GUCY2F: variants seen among roughly 807,000 people sequenced by gnomAD.
GUCY2F encodes the protein retinal guanylyl cyclase 2.
In GUCY2F, 61 loss-of-function variants were observed where a neutral mutation model predicts 73.1. That is an observed-to-expected ratio of 0.83 (90% CI 0.68 to 1.03). GUCY2F has a LOEUF of 1.03. Among genes scored for constraint, GUCY2F ranks in the 50% least tolerant of loss-of-function variants. The pLI, the probability that GUCY2F is intolerant of heterozygous loss-of-function variation, is 0.00. For missense variants in GUCY2F, 912 were observed against 854.3 expected, an observed-to-expected ratio of 1.07 and a Z score of -0.84; for synonymous variants, 331 against 307.8, an observed-to-expected ratio of 1.08 and a Z score of -0.79.
chrX:109,427,576 G>T (rs1162350497), intron 8 of GUCY2F, among the ~76,000 whole-genome samples: 1 of 111,881 alleles, frequency 8.9e-6, no homozygotes, highest in Admixed American at 9.5e-5. Context: ...CTGGATCCTG[G>T]TACCCAGCCC....
At chrX:109,397,244 T>C (rs1930731704) in intron 11 of GUCY2F, among the ~76,000 whole-genome samples, 1 of 110,370 alleles carries the variant, frequency 9.1e-6, no homozygotes, top group South Asian at 3.9e-4. Flanking sequence ...AGCTGGGATA[T>C]AGAGAGTGAC....
chrX:109,373,183 T>G (rs143980986), intron 19 of GUCY2F, among the ~76,000 whole-genome samples, 184 bp from the exon 20 acceptor site: 57 of 112,588 alleles, frequency 5.1e-4, no homozygotes, highest in African/African-American at 1.8e-3. Flanking sequence ...TTTGCAAAAT[T>G]AGACATTGCC....
At chrX:109,435,471 T>C (rs1167655957) in intron 7 of GUCY2F, among the ~76,000 whole-genome samples, 4 of 110,028 alleles carry the variant, frequency 3.6e-5, no homozygotes, top group African/African-American at 1.3e-4. Context: ...TTTTGTACAT[T>C]GATTTTGTAT....
rs749712239 is a variant in GUCY2F at position 109,465,229 on chromosome X, T to C, written c.945A>G (p.Thr315=). 11 of 1,206,553 alleles carry C rather than the reference T, an allele frequency of 9.1e-6. No individual in the cohort carries two copies. Among genetic ancestry groups the C allele is most frequent in the Admixed American group, 4.4e-5 (2 of 45,797 alleles). The change falls in exon 3 of 20, where the codon ACA becomes ACG. Residue 315 remains threonine, a synonymous_variant. Coordinates refer to ENST00000218006, the MANE Select transcript of GUCY2F (RefSeq NM_001522.3). The part of the protein sequence containing the change: ...REAYDAVLTI[T]VESQEKTFYQ... ...AGAAGGTCTTTTCTTGGGACTCCAC[T>C]GTAATGGTCAACACTGCATCATAGG...
chrX:109,465,802 C>T (rs564979027), intron 2 of GUCY2F, among the ~76,000 whole-genome samples: 6 of 112,118 alleles, frequency 5.4e-5, no homozygotes, highest in African/African-American at 1.6e-4. Context: ...ATTACTTAAC[C>T]GCTCTCTGTC....
At chrX:109,404,283 T>C (rs767199050) in intron 10 of GUCY2F, 45 bp downstream of exon 10, 2 of 954,709 alleles carry the variant, frequency 2.1e-6, no homozygotes, top group South Asian at 4.6e-5. Flanking sequence ...ATTTGAACTT[T>C]GGAGTTACCT....
At chrX:109,413,677 C>T (rs1569362004) in intron 8 of GUCY2F, among the ~76,000 whole-genome samples, 1 of 110,969 alleles carries the variant, frequency 9.0e-6, no homozygotes, top group Non-Finnish European at 1.9e-5. Context: ...AAGTGTAACA[C>T]GACACCTTTA....
Position 109,428,143 on chromosome X carries a change from AT to A in GUCY2F, c.1791+2163del, listed in dbSNP as rs765367029. On this transcript the variant is annotated intron_variant, in intron 8 of 19. Transcript: ENST00000218006. ...ACATTTATCAATGGATGTCAAAATT[AT>A]TGGGTAAAACTTTGATGAAGAACAG... Among the ~76,000 whole-genome samples the A allele has an allele frequency of 2.8e-4, 32 of 112,427 alleles. No homozygotes were observed. In the South Asian group the frequency reaches 0.011, roughly 39 times the overall value.
Position 109,453,548 on chromosome X carries a change from T to G in GUCY2F, c.1344A>C (p.Ala448=), listed in dbSNP as rs1210580910. 3 of 1,207,164 alleles carry G rather than the reference T, an allele frequency of 2.5e-6. No individual in the cohort carries two copies. In the South Asian group the frequency reaches 5.3e-5, roughly 22 times the overall value. ...CTTCTGCAAACCAGCATTTTGCATC[T>G]GCTCTAGGGGGCCTGCCACCAGGGA... The part of the protein sequence containing the change: ...IHFPGGRPPR[A]DAKCWFAEGK... The change falls in exon 4 of 20, where the codon GCA becomes GCC. Residue 448 remains alanine (A), a synonymous_variant. Coordinates refer to ENST00000218006, the MANE Select transcript of GUCY2F (RefSeq NM_001522.3).
At chrX:109,428,965 C>G (rs1000718626) in intron 8 of GUCY2F, among the ~76,000 whole-genome samples, 11 of 112,035 alleles carry the variant, frequency 9.8e-5, no homozygotes, top group Admixed American at 1.9e-4. Context: ...TCTAGTGTAT[C>G]AGCTGTCTCA....
intron 3 of GUCY2F, among the ~76,000 whole-genome samples, chrX:109,460,373 C>G (rs1422613817): frequency 9.0e-6 from 1 of 110,553 alleles, no homozygotes; most frequent in Non-Finnish European, 1.9e-5. Flanking sequence ...TCTGAGAGGA[C>G]AAAGAGGAAT....
At chrX:109,480,588 A>T (rs1932758645) in intron 1 of GUCY2F, among the ~76,000 whole-genome samples, 2 of 111,565 alleles carry the variant, frequency 1.8e-5, no homozygotes, top group African/African-American at 6.5e-5. Flanking sequence ...AATTCTAAAA[A>T]GTTAGATTTT....
chrX:109,455,651 C>T (rs1042415815), intron 3 of GUCY2F, among the ~76,000 whole-genome samples: 2 of 111,179 alleles, frequency 1.8e-5, no homozygotes, highest in East Asian at 2.8e-4. Flanking sequence ...ATCTCGCTGA[C>T]GTCTCTCTTC....
At chrX:109,433,154 G>A (rs1210292379) in intron 7 of GUCY2F, among the ~76,000 whole-genome samples, 3 of 111,888 alleles carry the variant, frequency 2.7e-5, no homozygotes, top group East Asian at 2.8e-4. Flanking sequence ...ATCAGTACTC[G>A]CAGTCCTGAC....
intron 8 of GUCY2F, among the ~76,000 whole-genome samples, chrX:109,417,804 A>G (rs567602584): frequency 9.0e-6 from 1 of 111,689 alleles, no homozygotes; most frequent in Non-Finnish European, 1.9e-5. Context: ...CAGAAAAAGT[A>G]AATCATGCAA....
intron 3 of GUCY2F, among the ~76,000 whole-genome samples, 156 bp downstream of exon 3, chrX:109,464,986 A>G (rs1002078489): frequency 1.8e-5 from 2 of 112,695 alleles, no homozygotes; most frequent in African/African-American, 3.2e-5. Flanking sequence ...TTTGTTTCAC[A>G]AATGTTTTCA....
intron 1 of GUCY2F, among the ~76,000 whole-genome samples, 175 bp downstream of exon 1, chrX:109,481,691 G>A (rs929914320): frequency 9.0e-6 from 1 of 110,947 alleles, no homozygotes; most frequent in African/African-American, 3.3e-5. Context: ...AAAGTATCTC[G>A]AAGGCTCTCT....
intron 6 of GUCY2F, among the ~76,000 whole-genome samples, chrX:109,442,952 T>C (rs1277746395): frequency 8.9e-6 from 1 of 112,172 alleles, no homozygotes; most frequent in Non-Finnish European, 1.9e-5. Flanking sequence ...CATTTTGACT[T>C]CAGATTCATT....
At chrX:109,466,471 G>A (rs746642971) in intron 2 of GUCY2F, among the ~76,000 whole-genome samples, 1 of 111,573 alleles carries the variant, frequency 9.0e-6, no homozygotes, top group Admixed American at 9.5e-5. Context: ...GTTTGGCAAG[G>A]TTATGCTAGA....
Sources: allele counts gnomAD v4.1 joint callset (sites outside exome capture counted in the v4.1 genomes callset), GRCh38; gene constraint gnomAD v4.1.1; transcripts MANE v1.5; gene names NCBI Gene and HGNC (gene_info 2026-07-23, HGNC 2026-07-21).